The following BCAT1 variants were observed in gnomAD, a reference collection of about 807,000 sequenced individuals.
BCAT1 encodes branched-chain-amino-acid aminotransferase, cytosolic.
BCAT1 carries 48 observed loss-of-function variants against 52.4 expected under a neutral mutation model. The observed-to-expected ratio is 0.92, with a 90% CI of 0.73 to 1.16. The LOEUF is 1.16. Among genes scored for constraint, BCAT1 ranks in the 50% most tolerant of loss-of-function variants. The pLI is 0.00. For missense variants in BCAT1, 451 were observed against 457.1 expected (o/e 0.99, Z 0.12); for synonymous variants, 167 against 161.3 (o/e 1.04, Z -0.27).
chr12:24,914,083 CTTT>C (rs34717106), intron 1 of BCAT1, among the ~76,000 whole-genome samples: 27 of 135,652 alleles, frequency 2.0e-4, no homozygotes, highest in South Asian at 2.3e-4. Flanking sequence ...GGTAGATTAT[CTTT>C]TTTTTTTTTT....
chr12:24,857,629 G>A (rs950821221), intron 5 of BCAT1, among the ~76,000 whole-genome samples: 1 of 152,184 alleles, frequency 6.6e-6, no homozygotes, highest in African/African-American at 2.4e-5. Flanking sequence ...ATTTCTAACA[G>A]CCTGGGCTTC....
At chr12:24,876,917 A>C (rs1474697492) in intron 5 of BCAT1, among the ~76,000 whole-genome samples, 2 of 152,114 alleles carry the variant, frequency 1.3e-5, no homozygotes, top group Non-Finnish European at 2.9e-5. Flanking sequence ...TTACCTATAT[A>C]ACACACCTAC....
chr12:24,946,214 G>A (rs933688104), intron 1 of BCAT1, among the ~76,000 whole-genome samples: 1 of 152,166 alleles, frequency 6.6e-6, no homozygotes, highest in Non-Finnish European at 1.5e-5. Flanking sequence ...TCTCAGTTAG[G>A]TTAATAACAC....
At chr12:24,855,033 A>G (rs1254462281) in intron 5 of BCAT1, among the ~76,000 whole-genome samples, 3 of 152,122 alleles carry the variant, frequency 2.0e-5, no homozygotes, top group Non-Finnish European at 4.4e-5. Flanking sequence ...CCTTCAAGAG[A>G]AAGTCCAGTC....
chr12:24,839,796 A>C (rs1483608458), intron 7 of BCAT1, among the ~76,000 whole-genome samples: 1 of 152,234 alleles, frequency 6.6e-6, no homozygotes, highest in East Asian at 1.9e-4. Flanking sequence ...TGTGAAAATC[A>C]GTATTGTGCT....
Position 24,818,052 on chromosome 12 carries a change from G to A in BCAT1, c.1120-3C>T, listed in dbSNP as rs1566548914. On this transcript the variant is annotated splice_region_variant and splice_polypyrimidine_tract_variant and intron_variant, in intron 10 of 10. Transcript: ENST00000261192. ...CAGTCGCTCTCTTCTCTTCCATACT[G>A]CAACAAAAGCAAGAAAACGTGTTTC... is the stretch of plus-strand genomic sequence containing the variant. 6.2e-6 allele frequency: 10 copies of A among 1,612,898 alleles called. No individual in the cohort carries two copies. Among genetic ancestry groups the A allele is most frequent in the Middle Eastern group, 1.7e-4 (1 of 6,046 alleles).
At chr12:24,902,345 C>T in intron 1 of BCAT1, 1 of 1,201,218 alleles carries the variant, frequency 8.3e-7, no homozygotes, top group Non-Finnish European at 1.0e-6. Context: ...GGGCGTGAAC[C>T]ATTTCCTCCA....
intron 6 of BCAT1, among the ~76,000 whole-genome samples, chr12:24,842,663 T>G (rs1941209914): frequency 6.6e-6 from 1 of 152,192 alleles, no homozygotes; most frequent in Non-Finnish European, 1.5e-5. Flanking sequence ...TTCTGTCAAG[T>G]TGCAATAGAA....
chr12:24,868,855 C>G (rs1485570452), intron 5 of BCAT1, among the ~76,000 whole-genome samples: 1 of 152,166 alleles, frequency 6.6e-6, no homozygotes, highest in Non-Finnish European at 1.5e-5. Context: ...GACACAGACA[C>G]AGAAGCTAGC....
intron 1 of BCAT1, among the ~76,000 whole-genome samples, chr12:24,905,059 G>A (rs1249086051): frequency 1.3e-5 from 2 of 152,182 alleles, no homozygotes; most frequent in East Asian, 3.8e-4. Context: ...TGAGTTCCAG[G>A]ACAAAAGAAC....
chr12:24,940,824 C>T (rs952700960), intron 1 of BCAT1, among the ~76,000 whole-genome samples: 1 of 152,174 alleles, frequency 6.6e-6, no homozygotes, highest in African/African-American at 2.4e-5. Flanking sequence ...GAAAAATAAA[C>T]TCAAAAGAAC....
At chr12:24,851,168 C>T (rs1178633259) in intron 5 of BCAT1, among the ~76,000 whole-genome samples, 1 of 152,142 alleles carries the variant, frequency 6.6e-6, no homozygotes, top group Non-Finnish European at 1.5e-5. Context: ...AGTAAAAAAA[C>T]AAGGCAGGAC....
rs770362317 is a variant in BCAT1 at position 24,881,343 on chromosome 12, G to C, written c.348C>G (p.Asn116Lys). Reference protein sequence around the residue: ...NKIRLFQPNLNMDRMYRSAVR... With the variant: ...NKIRLFQPNLKMDRMYRSAVR... ...CAGCAGAGCGATACATTCTATCCAT[G>C]TTGAGGTTTGGCTGAAACAGTCGAA... The change falls in exon 4 of 11, where the codon AAC becomes AAG. Residue 116 changes from asparagine to lysine, a missense_variant. Coordinates refer to ENST00000261192, the MANE Select transcript of BCAT1 (RefSeq NM_005504.7). 1.9e-6 allele frequency: 3 copies of C among 1,613,360 alleles called. No individual in the cohort carries two copies. The highest frequency in any genetic ancestry group is 3.3e-5 in the Admixed American group (2 of 60,012).
intron 1 of BCAT1, chr12:24,902,699 G>T: frequency 1.8e-6 from 1 of 562,524 alleles, no homozygotes; most frequent in Non-Finnish European, 2.9e-6. Context: ...ACGCTCCGGA[G>T]CGGGTTACCC....
At chr12:24,838,875 G>C (rs1396993060) in intron 7 of BCAT1, among the ~76,000 whole-genome samples, 1 of 152,172 alleles carries the variant, frequency 6.6e-6, no homozygotes, top group Non-Finnish European at 1.5e-5. Context: ...TTTAGGAGAT[G>C]AGGAATTTAG....
chr12:24,823,975 TTG>T (rs1940263349), intron 10 of BCAT1, among the ~76,000 whole-genome samples: 1 of 152,190 alleles, frequency 6.6e-6, no homozygotes, highest in Admixed American at 6.5e-5. Context: ...TACCCCAAAA[TTG>T]TGTGTTTGGG....
At chr12:24,912,008 G>A (rs182677304) in intron 1 of BCAT1, among the ~76,000 whole-genome samples, 4 of 152,220 alleles carry the variant, frequency 2.6e-5, no homozygotes, top group South Asian at 4.2e-4. Context: ...GATTGCTTTG[G>A]AGAAAATTTT....
chr12:24,856,085 G>C (rs1222855049), intron 5 of BCAT1, among the ~76,000 whole-genome samples: 7 of 152,150 alleles, frequency 4.6e-5, no homozygotes, highest in Non-Finnish European at 8.8e-5. Flanking sequence ...TGATGCCTTT[G>C]CCTGTAACCT....
rs568150347 is a variant in BCAT1 at position 24,852,352 on chromosome 12, GCAT to G, written c.511-2406_511-2404del. Reference sequence around the variant, plus strand: ...CATAATTTAGAGATATAATATGCTGGCATCATCTCAATAATTTACCTAGCTTCT... The same window carrying G: ...CATAATTTAGAGATATAATATGCTGGCATCTCAATAATTTACCTAGCTTCT... On this transcript the variant is annotated intron_variant, in intron 5 of 10. Transcript: ENST00000261192. Among the ~76,000 whole-genome samples the G allele has an allele frequency of 5.3e-5, 8 of 152,216 alleles. No homozygotes were observed. In the East Asian group the frequency reaches 1.5e-3, roughly 29 times the overall value.
Sources: allele counts gnomAD v4.1 joint callset (sites outside exome capture counted in the v4.1 genomes callset), GRCh38; gene constraint gnomAD v4.1.1; transcripts MANE v1.5; gene names NCBI Gene and HGNC (gene_info 2026-07-23, HGNC 2026-07-21).